Variants in ZNF407 observed in about 807,000 individuals in gnomAD.
ZNF407 encodes zinc finger protein 407.
Under a neutral mutation model 131.2 loss-of-function variants are expected in ZNF407, and 17 were observed. The observed-to-expected ratio is 0.13, with a 90% CI of 0.09 to 0.19. The LOEUF (loss-of-function observed/expected upper bound fraction) is 0.19, where lower values mean the gene tolerates loss of function less well. Ranked by LOEUF, ZNF407 falls within the 10% of genes least tolerant of loss-of-function variation. The probability of loss-of-function intolerance (pLI) is 1.00; values close to 1 mark genes in which losing one functional copy is unlikely to be tolerated. For missense variants in ZNF407, 2,681 were observed against 2,830.6 expected (o/e 0.95, Z 1.20); for synonymous variants, 1,156 against 1,062.0 (o/e 1.09, Z -1.72).
intron 4 of ZNF407, among the ~76,000 whole-genome samples, chr18:74,829,647 G>T (rs1324537801): frequency 6.6e-6 from 1 of 152,038 alleles, no homozygotes; most frequent in East Asian, 1.9e-4. Context: ...AAAGAATGAG[G>T]CTTGCTACCA....
intron 3 of ZNF407, among the ~76,000 whole-genome samples, chr18:74,686,406 C>A (rs1044355495): frequency 6.6e-6 from 1 of 152,174 alleles, no homozygotes. Flanking sequence ...GGTTTTTATC[C>A]ATTCATGTAT....
intron 8 of ZNF407, among the ~76,000 whole-genome samples, chr18:75,047,464 C>G (rs1322082450): frequency 6.6e-6 from 1 of 152,186 alleles, no homozygotes; most frequent in African/African-American, 2.4e-5. Flanking sequence ...CTGCCAGCAC[C>G]CTGGCCCAGC....
rs1248684944 is a variant in ZNF407 at position 74,631,159 on chromosome 18, C to A, written c.140C>A (p.Ser47Tyr). The change falls in exon 2 of 9, where the codon TCT becomes TAT. Residue 47 changes from serine (S) to tyrosine (Y), a missense_variant. By Grantham distance (144) the Ser-to-Tyr change is moderately radical. Coordinates refer to ENST00000299687, the MANE Select transcript of ZNF407 (RefSeq NM_017757.3). The stretch of plus-strand genomic sequence containing the variant: ...GTGATAGCAAGTTTCCCTGAGAATT[C>A]TATGGGCAAAAGAGGTTTTTCAGAA... Reference protein sequence around the residue: ...SDVIASFPENSMGKRGFSESS... With the variant: ...SDVIASFPENYMGKRGFSESS... 1 of 1,613,820 alleles carries A rather than the reference C, an allele frequency of 6.2e-7. No individual in the cohort carries two copies. Among genetic ancestry groups the A allele is most frequent in the East Asian group, 2.2e-5 (1 of 44,894 alleles).
intron 3 of ZNF407, among the ~76,000 whole-genome samples, chr18:74,763,525 T>C (rs1204714529): frequency 6.6e-6 from 1 of 151,704 alleles, no homozygotes; most frequent in Non-Finnish European, 1.5e-5. Context: ...CAACTTTTTT[T>C]CTTATATTTT....
chr18:74,978,800 T>TGG (rs966711602), intron 8 of ZNF407, among the ~76,000 whole-genome samples: 3 of 152,010 alleles, frequency 2.0e-5, no homozygotes, highest in Admixed American at 6.5e-5. Flanking sequence ...GCTGTGGACA[T>TGG]GGAGGTGGTC....
intron 1 of ZNF407, among the ~76,000 whole-genome samples, chr18:74,598,947 A>G (rs1177822834): frequency 6.6e-6 from 1 of 152,222 alleles, no homozygotes; most frequent in African/African-American, 2.4e-5. Flanking sequence ...ATACTTTTAT[A>G]AGTAATTACA....
At chr18:74,775,236 T>C (rs1053262177) in intron 3 of ZNF407, among the ~76,000 whole-genome samples, 2 of 152,170 alleles carry the variant, frequency 1.3e-5, no homozygotes, top group Non-Finnish European at 2.9e-5. Context: ...TCTTTACCTA[T>C]TTTGTCCCAT....
At chr18:74,629,332 G>A (rs1204240101) in intron 1 of ZNF407, among the ~76,000 whole-genome samples, 2 of 152,040 alleles carry the variant, frequency 1.3e-5, no homozygotes, top group Non-Finnish European at 2.9e-5. Flanking sequence ...TTTCATATGT[G>A]TATTATGTAT....
intron 8 of ZNF407, among the ~76,000 whole-genome samples, chr18:75,037,404 G>A (rs1973321355): frequency 6.6e-6 from 1 of 151,744 alleles, no homozygotes. Context: ...TTGTGTTGCT[G>A]ACAGACTAGG....
intron 3 of ZNF407, among the ~76,000 whole-genome samples, chr18:74,760,734 G>A (rs1969076136): frequency 6.6e-6 from 1 of 152,082 alleles, no homozygotes; most frequent in Admixed American, 6.5e-5. Context: ...TTCCTAACCT[G>A]TTTGACCGCT....
intron 3 of ZNF407, among the ~76,000 whole-genome samples, chr18:74,673,451 T>G (rs1443511743): frequency 1.3e-5 from 2 of 152,184 alleles, no homozygotes; most frequent in Non-Finnish European, 2.9e-5. Context: ...CTTTCACTCA[T>G]AAGGACCCTT....
chr18:74,609,525 G>A (rs534973210), intron 1 of ZNF407, among the ~76,000 whole-genome samples: 175 of 152,250 alleles, frequency 1.1e-3, no homozygotes, highest in African/African-American at 3.9e-3. Flanking sequence ...ATAAAAAAAA[G>A]GTATACTTGT....
intron 3 of ZNF407, among the ~76,000 whole-genome samples, chr18:74,754,310 A>G (rs1968878028): frequency 6.6e-6 from 1 of 152,102 alleles, no homozygotes; most frequent in Non-Finnish European, 1.5e-5. Flanking sequence ...TCCTGGATTC[A>G]TTGAATTTTT....
chr18:74,745,304 AAAGT>A (rs1295873726), intron 3 of ZNF407, among the ~76,000 whole-genome samples: 1 of 152,164 alleles, frequency 6.6e-6, no homozygotes, highest in Non-Finnish European at 1.5e-5. Context: ...AGTTTTATGG[AAAGT>A]AAGTCATTAG....
At chr18:75,045,182 C>T (rs1280016943) in intron 8 of ZNF407, among the ~76,000 whole-genome samples, 4 of 151,894 alleles carry the variant, frequency 2.6e-5, no homozygotes, top group African/African-American at 9.7e-5. Context: ...TATGTGCATG[C>T]ACACGTGTAT....
chr18:74,599,891 T>C (rs575445742), intron 1 of ZNF407, among the ~76,000 whole-genome samples: 1 of 152,366 alleles, frequency 6.6e-6, no homozygotes, highest in Admixed American at 6.5e-5. Flanking sequence ...TAGTTGTGAC[T>C]CTTTCGACTG....
intron 3 of ZNF407, among the ~76,000 whole-genome samples, chr18:74,721,589 GA>G (rs1176708616): frequency 2.0e-5 from 3 of 152,102 alleles, no homozygotes; most frequent in South Asian, 2.1e-4. Flanking sequence ...GTGTTTCTGT[GA>G]AAAATTTTTT....
At position 74,632,739 on chromosome 18, in the gene ZNF407, G is replaced by T; in HGVS notation, c.1720G>T (p.Glu574Ter). 2 of 1,614,018 alleles carry T rather than the reference G, an allele frequency of 1.2e-6. No homozygotes were observed. Among genetic ancestry groups the T allele is most frequent in the South Asian group, 2.2e-5 (2 of 91,070 alleles). ...TAGTATGTCAAGAAGGGACTTAGAT[G>T]AACATTTGCACAGTAACCAGCATCA... ...FSSMSRRDLD[E>*]HLHSNQHQQT... Residue 574 changes from glutamate to a stop codon, truncating the protein, a stop_gained, in exon 2 of 9, where the codon GAA (glutamate) becomes TAA (stop). Transcript: ENST00000299687. LOFTEE classifies it high-confidence loss of function.
At chr18:74,954,113 A>G (rs1480934270) in intron 8 of ZNF407, among the ~76,000 whole-genome samples, 20 of 152,216 alleles carry the variant, frequency 1.3e-4, no homozygotes, top group Admixed American at 1.3e-3. Flanking sequence ...TATGTTCAAT[A>G]TTTTATAACA....
Sources: gnomAD v4.1 joint callset for allele counts (sites outside exome capture counted in the v4.1 genomes callset) on GRCh38, gnomAD v4.1.1 for gene constraint, MANE v1.5 for transcripts, NCBI Gene and HGNC (gene_info 2026-07-23, HGNC 2026-07-21) for gene names.